The following PTPRN2 variants were observed in gnomAD, a reference collection of about 807,000 sequenced individuals.
PTPRN2 encodes protein tyrosine phosphatase receptor type N2.
PTPRN2 carries 74 observed loss-of-function variants against 118.8 expected under a neutral mutation model. The observed-to-expected ratio is 0.62, with a 90% CI of 0.52 to 0.76. PTPRN2 has a LOEUF of 0.76. Ranked by LOEUF, PTPRN2 falls within the 30% of genes least tolerant of loss-of-function variation. The pLI, the probability that PTPRN2 is intolerant of heterozygous loss-of-function variation, is 0.00. For missense variants in PTPRN2, 1,481 were observed against 1,394.4 expected (o/e 1.06, Z -0.99); for synonymous variants, 641 against 608.0 (o/e 1.05, Z -0.80).
intron 12 of PTPRN2, among the ~76,000 whole-genome samples, chr7:157,696,832 G>T: frequency 1.0e-5 from 1 of 97,488 alleles, no homozygotes; most frequent in Non-Finnish European, 2.0e-5. Flanking sequence ...TGCATACTGG[G>T]TCTTGGCAGA....
intron 14 of PTPRN2, among the ~76,000 whole-genome samples, chr7:157,655,637 C>T (rs1022282674): frequency 3.3e-5 from 5 of 152,216 alleles, no homozygotes; most frequent in East Asian, 1.9e-4. Context: ...CCAGAGGCTC[C>T]GTCTCCAGTG....
intron 12 of PTPRN2, among the ~76,000 whole-genome samples, chr7:157,876,153 C>T (rs1026820806): frequency 1.1e-4 from 17 of 152,228 alleles, no homozygotes; most frequent in African/African-American, 2.7e-4. Flanking sequence ...CTCCTCTCCA[C>T]GAGACCTCAG....
chr7:158,178,822 C>T (rs1051496249), intron 5 of PTPRN2, among the ~76,000 whole-genome samples: 4 of 151,990 alleles, frequency 2.6e-5, no homozygotes, highest in African/African-American at 9.7e-5. Flanking sequence ...TGGTCTCAAT[C>T]TCTTGAGGTC....
chr7:158,168,048 A>C (rs2150597090), intron 5 of PTPRN2, among the ~76,000 whole-genome samples: 1 of 152,316 alleles, frequency 6.6e-6, no homozygotes, highest in South Asian at 2.1e-4. Flanking sequence ...TCGACATTTA[A>C]CTGACTGAGG....
At chr7:157,970,455 A>G (rs1236773153) in intron 11 of PTPRN2, among the ~76,000 whole-genome samples, 1 of 152,210 alleles carries the variant, frequency 6.6e-6, no homozygotes, top group Non-Finnish European at 1.5e-5. Context: ...TTCCAGCACA[A>G]GGGTCTGAAG....
At chr7:157,772,068 A>G (rs554583607) in intron 12 of PTPRN2, among the ~76,000 whole-genome samples, 1 of 151,600 alleles carries the variant, frequency 6.6e-6, no homozygotes, top group South Asian at 2.1e-4. Context: ...ACACACAGAT[A>G]CACACACAGA....
intron 9 of PTPRN2, among the ~76,000 whole-genome samples, chr7:158,119,914 C>T (rs117822743): frequency 0.018 from 2,701 of 152,138 alleles, 51 homozygotes; most frequent in Non-Finnish European, 0.023. Context: ...CATTCACAGC[C>T]GCATTATTCT....
intron 2 of PTPRN2, among the ~76,000 whole-genome samples, chr7:158,439,411 T>C (rs1278695385): frequency 6.6e-6 from 1 of 152,138 alleles, no homozygotes; most frequent in Non-Finnish European, 1.5e-5. Flanking sequence ...GAGCTAAGAA[T>C]GGTTTTTATA....
intron 12 of PTPRN2, among the ~76,000 whole-genome samples, chr7:157,743,454 G>A (rs376781020): frequency 1.1e-4 from 17 of 152,354 alleles, no homozygotes; most frequent in African/African-American, 3.8e-4. Flanking sequence ...TACAGGCACG[G>A]GATAGGCCAC....
chr7:158,381,086 G>T (rs1451405067), intron 2 of PTPRN2, among the ~76,000 whole-genome samples: 2 of 152,244 alleles, frequency 1.3e-5, no homozygotes, highest in African/African-American at 4.8e-5. Flanking sequence ...GCCTGTGATG[G>T]GAGGGGCTGC....
chr7:158,305,277 T>C (rs1429670526), intron 3 of PTPRN2, among the ~76,000 whole-genome samples: 7 of 152,174 alleles, frequency 4.6e-5, no homozygotes, highest in Admixed American at 4.6e-4. Context: ...GTGGCTTCTT[T>C]CCTTCAGTGC....
intron 6 of PTPRN2, among the ~76,000 whole-genome samples, chr7:158,149,154 C>T (rs1383231836): frequency 3.2e-3 from 401 of 126,506 alleles, no homozygotes; most frequent in African/African-American, 0.011. Context: ...GTCTTTCCCC[C>T]TCAGTGACAC....
intron 2 of PTPRN2, among the ~76,000 whole-genome samples, chr7:158,331,016 C>T (rs1413015343): frequency 1.5e-5 from 2 of 137,402 alleles, no homozygotes; most frequent in Non-Finnish European, 3.1e-5. Flanking sequence ...AGACGTCACT[C>T]ACATCCACAC....
At chr7:157,936,971 A>G (rs1364694696) in intron 11 of PTPRN2, among the ~76,000 whole-genome samples, 1 of 152,202 alleles carries the variant, frequency 6.6e-6, no homozygotes, top group Non-Finnish European at 1.5e-5. Flanking sequence ...TTTCTGCAAT[A>G]TTCTGTAAAA....
At chr7:157,818,952 C>T (rs551550934) in intron 12 of PTPRN2, among the ~76,000 whole-genome samples, 5 of 152,042 alleles carry the variant, frequency 3.3e-5, no homozygotes, top group South Asian at 4.2e-4. Context: ...AACTGCACCC[C>T]GAGCCACCTC....
intron 7 of PTPRN2, among the ~76,000 whole-genome samples, chr7:158,137,868 A>T (rs1192294273): frequency 6.6e-6 from 1 of 152,176 alleles, no homozygotes; most frequent in Admixed American, 6.5e-5. Context: ...CTGCCGGGGT[A>T]GTGGTGCTGA....
At chr7:158,245,294 A>G (rs922850674) in intron 3 of PTPRN2, among the ~76,000 whole-genome samples, 1 of 151,678 alleles carries the variant, frequency 6.6e-6, no homozygotes, top group Non-Finnish European at 1.5e-5. Flanking sequence ...CCATGCCAGA[A>G]TCCGTGGTCA....
chr7:158,237,868 GT>G (rs1213672892), intron 3 of PTPRN2, among the ~76,000 whole-genome samples: 1 of 152,170 alleles, frequency 6.6e-6, no homozygotes, highest in Admixed American at 6.5e-5. Flanking sequence ...TTACATGGGA[GT>G]GCACGAAGGA....
intron 14 of PTPRN2, among the ~76,000 whole-genome samples, chr7:157,648,458 T>G (rs1805292891): frequency 9.2e-6 from 1 of 108,564 alleles, no homozygotes; most frequent in African/African-American, 3.1e-5. Context: ...CTGAACTCGG[T>G]GGGTCGGACC....
Sources: allele counts gnomAD v4.1 joint callset (sites outside exome capture counted in the v4.1 genomes callset), GRCh38; gene constraint gnomAD v4.1.1; transcripts MANE v1.5; gene names NCBI Gene and HGNC (gene_info 2026-07-23, HGNC 2026-07-21).